The following GALNT17 variants were observed in gnomAD, a reference collection of about 807,000 sequenced individuals.
GALNT17 encodes the protein UDP-GalNAc:polypeptide N-acetylgalactosaminyltransferase-like 3.
A neutral mutation model predicts 63.7 loss-of-function variants in GALNT17; 29 were observed. The ratio of observed to expected loss-of-function variants is 0.46; its 90% CI spans 0.34 to 0.62. The LOEUF (loss-of-function observed/expected upper bound fraction) is 0.62. GALNT17 is among the 20% of genes least tolerant of loss of function. The pLI, the probability that GALNT17 is intolerant of heterozygous loss-of-function variation, is 0.01. For missense variants in GALNT17, 603 were observed against 799.6 expected (o/e 0.75, Z 2.97); for synonymous variants, 305 against 318.3 (o/e 0.96, Z 0.45).
intron 3 of GALNT17, among the ~76,000 whole-genome samples, chr7:71,389,513 C>T (rs1793011307): frequency 6.6e-6 from 1 of 152,084 alleles, no homozygotes; most frequent in African/African-American, 2.4e-5. Flanking sequence ...TCTCCCCTGA[C>T]CCCCATGTTC....
intron 5 of GALNT17, among the ~76,000 whole-genome samples, chr7:71,526,992 T>C (rs1788635380): frequency 6.6e-6 from 1 of 152,256 alleles, no homozygotes; most frequent in South Asian, 2.1e-4. Context: ...TACTAAATTC[T>C]ATATCTCTAT....
intron 2 of GALNT17, among the ~76,000 whole-genome samples, chr7:71,355,736 T>C (rs1278809333): frequency 6.6e-6 from 1 of 152,080 alleles, no homozygotes; most frequent in Non-Finnish European, 1.5e-5. Context: ...TTTCTCCATG[T>C]TGGCTAGGCT....
At chr7:71,490,339 C>T (rs1307428734) in intron 5 of GALNT17, among the ~76,000 whole-genome samples, 5 of 151,944 alleles carry the variant, frequency 3.3e-5, no homozygotes, top group Non-Finnish European at 5.9e-5. Context: ...TTTCTTCACC[C>T]CGGCTCTGAA....
chr7:71,451,982 G>A (rs1292070939), intron 5 of GALNT17, among the ~76,000 whole-genome samples: 3 of 152,072 alleles, frequency 2.0e-5, no homozygotes, highest in African/African-American at 7.2e-5. Context: ...GGCCAAGGCA[G>A]GAGGATCTCT....
chr7:71,522,619 C>T (rs1788547974), intron 5 of GALNT17, among the ~76,000 whole-genome samples: 1 of 152,128 alleles, frequency 6.6e-6, no homozygotes, highest in Admixed American at 6.6e-5. Flanking sequence ...CTGGGTCCCT[C>T]CCATAACATG....
At chr7:71,402,586 G>T (rs1793259259) in intron 3 of GALNT17, among the ~76,000 whole-genome samples, 1 of 152,038 alleles carries the variant, frequency 6.6e-6, no homozygotes, top group Non-Finnish European at 1.5e-5. Flanking sequence ...TGATGATTTG[G>T]ACAGTTGTAC....
At chr7:71,528,121 T>C (rs1167609486) in intron 5 of GALNT17, among the ~76,000 whole-genome samples, 1 of 152,232 alleles carries the variant, frequency 6.6e-6, no homozygotes, top group Non-Finnish European at 1.5e-5. Flanking sequence ...CCTTTGGTTT[T>C]GTTGTTGCTG....
At chr7:71,368,593 G>C (rs566393950) in intron 2 of GALNT17, among the ~76,000 whole-genome samples, 1 of 151,958 alleles carries the variant, frequency 6.6e-6, no homozygotes, top group East Asian at 1.9e-4. Flanking sequence ...GTCTCTTGTC[G>C]CATTTATCCT....
intron 1 of GALNT17, among the ~76,000 whole-genome samples, chr7:71,250,257 A>T (rs2108041): frequency 0.068 from 10,269 of 151,286 alleles, 464 homozygotes; most frequent in Non-Finnish European, 0.089. Flanking sequence ...CTCTTGAGGG[A>T]TATCTGTCAT....
At chr7:71,347,480 C>G (rs894706834) in intron 2 of GALNT17, among the ~76,000 whole-genome samples, 1 of 152,128 alleles carries the variant, frequency 6.6e-6, no homozygotes, top group Non-Finnish European at 1.5e-5. Context: ...CACAAGCCAC[C>G]ACACCTGGCC....
intron 2 of GALNT17, among the ~76,000 whole-genome samples, chr7:71,356,449 A>G (rs898667540): frequency 6.6e-6 from 1 of 152,102 alleles, no homozygotes; most frequent in Non-Finnish European, 1.5e-5. Context: ...TGACACCAGC[A>G]TTTGCTGAGG....
At chr7:71,201,092 CTG>C (rs1470637005) in intron 1 of GALNT17, among the ~76,000 whole-genome samples, 1 of 151,408 alleles carries the variant, frequency 6.6e-6, no homozygotes, top group Non-Finnish European at 1.5e-5. Flanking sequence ...AGTGTGCCCA[CTG>C]TTTTGATTTG....
At chr7:71,692,798 G>A (rs1791475698) in intron 9 of GALNT17, among the ~76,000 whole-genome samples, 1 of 150,600 alleles carries the variant, frequency 6.6e-6, no homozygotes, top group Non-Finnish European at 1.5e-5. Flanking sequence ...GAGTGCAGTG[G>A]CGTGATCTCA....
intron 2 of GALNT17, among the ~76,000 whole-genome samples, chr7:71,338,444 G>A (rs1030428781): frequency 2.0e-5 from 3 of 152,106 alleles, no homozygotes; most frequent in Admixed American, 6.5e-5. Flanking sequence ...GGTCACCTGA[G>A]TCTGGGAGGT....
At chr7:71,414,984 T>TC (rs201957671) in intron 3 of GALNT17, among the ~76,000 whole-genome samples, 4,064 of 135,368 alleles carry the variant, frequency 0.03, 181 homozygotes, top group African/African-American at 0.12. Flanking sequence ...AAAGTATCAC[T>TC]TTTTTTTTTT....
chr7:71,269,586 C>T (rs1790549841), intron 1 of GALNT17, among the ~76,000 whole-genome samples: 1 of 152,094 alleles, frequency 6.6e-6, no homozygotes. Flanking sequence ...GGCCATGCCA[C>T]TGCTCATCTG....
At chr7:71,525,158 T>TTG (rs955534148) in intron 5 of GALNT17, among the ~76,000 whole-genome samples, 78 of 152,154 alleles carry the variant, frequency 5.1e-4, no homozygotes, top group African/African-American at 1.8e-3. Context: ...TCTATTACTT[T>TTG]TGTGTGTGTG....
intron 5 of GALNT17, among the ~76,000 whole-genome samples, chr7:71,509,640 T>C (rs1014896608): frequency 3.9e-5 from 6 of 152,212 alleles, no homozygotes; most frequent in African/African-American, 1.2e-4. Flanking sequence ...AGAGCCTGTA[T>C]CTTTTTTGGG....
At position 71,227,622 on chromosome 7, in the gene GALNT17, C is replaced by G. The variant is rs75498852; in HGVS notation, c.238+94582C>G. 8.3e-3 allele frequency among the ~76,000 whole-genome samples: 1,264 copies of G among 152,256 alleles called. 16 individuals are homozygous for G. Among genetic ancestry groups the G allele is most frequent in the African/African-American group, 0.029 (1,211 of 41,556 alleles). On this transcript the variant is annotated intron_variant, in intron 1 of 10. Transcript: ENST00000333538. ...TTGCTAGATGGCTTAATTTCGTTTG[C>G]TCTCACCATTTGATTTGATTTGATG...
Sources: gnomAD v4.1 joint callset for allele counts (sites outside exome capture counted in the v4.1 genomes callset) on GRCh38, gnomAD v4.1.1 for gene constraint, MANE v1.5 for transcripts, NCBI Gene and HGNC (gene_info 2026-07-23, HGNC 2026-07-21) for gene names.